The following MLLT10 variants were observed in gnomAD, a reference collection of about 807,000 sequenced individuals.
MLLT10 encodes MLLT10 histone lysine methyltransferase DOT1L cofactor.
In MLLT10, 30 loss-of-function variants were observed where a neutral mutation model predicts 129.1. That is an observed-to-expected ratio of 0.23 (90% CI 0.17 to 0.32). The LOEUF (loss-of-function observed/expected upper bound fraction) is 0.32, where lower values mean the gene tolerates loss of function less well. Among genes scored for constraint, MLLT10 ranks in the 10% least tolerant of loss-of-function variants. The pLI is 1.00. For missense variants in MLLT10, 1,119 were observed against 1,268.3 expected (o/e 0.88, Z 1.79); for synonymous variants, 490 against 446.4 (o/e 1.10, Z -1.23).
Position 21,634,116 on chromosome 10 carries a change from T to C in MLLT10, c.699+16909T>C, listed in dbSNP as rs567590423. 5.3e-5 allele frequency among the ~76,000 whole-genome samples: 8 copies of C among 152,258 alleles called. No individual in the cohort carries two copies. In the East Asian group the frequency reaches 1.5e-3, roughly 29 times the overall value. On this transcript the variant is annotated intron_variant, in intron 8 of 22. Coordinates refer to ENST00000307729, the MANE Select transcript of MLLT10 (RefSeq NM_001195626.3). ...CTAGCCGAGTGACGTGGCTCGTGCC[T>C]GTAATCCCAGCTACTTGGGAGGTTC... is the stretch of plus-strand genomic sequence containing the variant.
intron 14 of MLLT10, among the ~76,000 whole-genome samples, chr10:21,725,688 T>G (rs1437843843): frequency 7.9e-6 from 1 of 127,112 alleles, no homozygotes; most frequent in Non-Finnish European, 1.6e-5. Flanking sequence ...GCCATTGCAC[T>G]CCAGCCTGGG....
chr10:21,708,241 C>A (rs1164709475), intron 13 of MLLT10, among the ~76,000 whole-genome samples: 1 of 152,192 alleles, frequency 6.6e-6, no homozygotes, highest in Non-Finnish European at 1.5e-5. Context: ...CTGTACCGTT[C>A]TGCAGCTTTG....
intron 3 of MLLT10, among the ~76,000 whole-genome samples, chr10:21,564,102 G>A (rs1351721988): frequency 1.3e-5 from 2 of 152,008 alleles, no homozygotes; most frequent in African/African-American, 2.4e-5. Flanking sequence ...ATGAGCCACC[G>A]TGCCCGGCCT....
At chr10:21,613,277 C>T (rs2044853364) in intron 6 of MLLT10, among the ~76,000 whole-genome samples, 2 of 143,052 alleles carry the variant, frequency 1.4e-5, no homozygotes, top group Non-Finnish European at 3.0e-5. Flanking sequence ...ATATATTTTA[C>T]ATAATAGGTA....
At position 21,624,164 on chromosome 10, in the gene MLLT10, G is replaced by C. The variant is rs148676754; in HGVS notation, c.699+6957G>C. The stretch of plus-strand genomic sequence containing the variant: ...AGTATAAGAAAACTTAAATGTGTTT[G>C]CTTTAATTTCTTAAAACTACTAAGA... On this transcript the variant is annotated intron_variant, in intron 8 of 22. Coordinates refer to ENST00000307729, the MANE Select transcript of MLLT10 (RefSeq NM_001195626.3). Among the ~76,000 whole-genome samples, 256 of 152,230 alleles carry C rather than the reference G, an allele frequency of 1.7e-3. 2 individuals are homozygous for C. The highest frequency in any genetic ancestry group is 2.6e-3 in the Non-Finnish European group (178 of 68,006).
At chr10:21,555,854 A>C (rs111863552) in intron 3 of MLLT10, among the ~76,000 whole-genome samples, 1,770 of 149,738 alleles carry the variant, frequency 0.012, 35 homozygotes, top group African/African-American at 0.041. Context: ...TTTAGTAGGA[A>C]CAGGGTTTCT....
At chr10:21,583,613 G>C (rs1405248868) in intron 3 of MLLT10, among the ~76,000 whole-genome samples, 1 of 152,076 alleles carries the variant, frequency 6.6e-6, no homozygotes, top group East Asian at 1.9e-4. Flanking sequence ...TTACTCATGG[G>C]GCAGTGGGAA....
At chr10:21,620,336 T>G (rs1230104823) in intron 8 of MLLT10, among the ~76,000 whole-genome samples, 1 of 152,202 alleles carries the variant, frequency 6.6e-6, no homozygotes, top group East Asian at 1.9e-4. Context: ...ACATTAGTAT[T>G]TTTAAAACAG....
intron 5 of MLLT10, among the ~76,000 whole-genome samples, chr10:21,604,825 C>T (rs571953274): frequency 7.3e-5 from 11 of 151,482 alleles, no homozygotes; most frequent in Non-Finnish European, 1.3e-4. Flanking sequence ...TGCATTGACA[C>T]GGCCTTACCC....
chr10:21,674,237 G>A (rs1196619094), intron 11 of MLLT10, among the ~76,000 whole-genome samples: 1 of 151,654 alleles, frequency 6.6e-6, no homozygotes, highest in Non-Finnish European at 1.5e-5. Context: ...CACCTGCACA[G>A]TATTTTTTTT....
At chr10:21,693,965 A>C (rs926299495) in intron 13 of MLLT10, among the ~76,000 whole-genome samples, 1 of 152,172 alleles carries the variant, frequency 6.6e-6, no homozygotes, top group African/African-American at 2.4e-5. Context: ...AGTCTCTTTT[A>C]AAATGAATGT....
intron 6 of MLLT10, among the ~76,000 whole-genome samples, chr10:21,613,237 A>G (rs1036545451): frequency 6.6e-6 from 1 of 151,866 alleles, no homozygotes; most frequent in African/African-American, 2.4e-5. Context: ...TTCAGCAACA[A>G]AATTTCAAGG....
intron 8 of MLLT10, chr10:21,625,223 T>C: frequency 6.7e-7 from 1 of 1,491,692 alleles, no homozygotes; most frequent in South Asian, 1.1e-5. Flanking sequence ...CTCTTTCCTT[T>C]TCTTGTCTGG....
chr10:21,547,517 CTG>C (rs1211068870), intron 3 of MLLT10, among the ~76,000 whole-genome samples: 1 of 149,274 alleles, frequency 6.7e-6, no homozygotes, highest in Non-Finnish European at 1.5e-5. Flanking sequence ...ATTACTCCAT[CTG>C]TTTTTTTCTT....
chr10:21,543,517 G>C (rs992014357), intron 3 of MLLT10, among the ~76,000 whole-genome samples: 1 of 151,752 alleles, frequency 6.6e-6, no homozygotes, highest in Non-Finnish European at 1.5e-5. Context: ...AATTCTTGTT[G>C]CCCAGGCTTG....
chr10:21,572,494 C>CA (rs750927678), intron 3 of MLLT10, among the ~76,000 whole-genome samples: 2 of 152,114 alleles, frequency 1.3e-5, no homozygotes, highest in Non-Finnish European at 2.9e-5. Context: ...ATCTTAACAA[C>CA]GATTGAGTCT....
Position 21,733,427 on chromosome 10 carries a change from T to TTTAA in MLLT10, c.2408-75_2408-72dup, listed in dbSNP as rs1164065746. The TTTAA allele has an allele frequency of 5.3e-6, 5 of 945,242 alleles. No individual in the cohort carries two copies. The Admixed American group carries it at 1.1e-4, about 21-fold the overall frequency. 58.6% of individuals were successfully genotyped at this position (945,242 alleles called of 1,614,324 possible). On this transcript the variant is annotated intron_variant, in intron 18 of 22. Coordinates refer to ENST00000307729, the MANE Select transcript of MLLT10 (RefSeq NM_001195626.3). ...TTGATACGGGCTTCAGCATAAGCTT[T>TTTAA]TTAATAAGCCTTTAATCTTACACAT... is the stretch of plus-strand genomic sequence containing the variant.
chr10:21,659,615 A>G (rs983290954), intron 9 of MLLT10, among the ~76,000 whole-genome samples: 2 of 145,596 alleles, frequency 1.4e-5, no homozygotes, highest in African/African-American at 5.2e-5. Context: ...GGTTCAAGGG[A>G]TTCTCATGCC....
intron 6 of MLLT10, among the ~76,000 whole-genome samples, chr10:21,613,511 G>A (rs1017969282): frequency 1.3e-5 from 2 of 152,176 alleles, no homozygotes; most frequent in Non-Finnish European, 2.9e-5. Flanking sequence ...AGTTTTTGGG[G>A]TATGAGATCT....
Sources: gnomAD v4.1 joint callset for allele counts (sites outside exome capture counted in the v4.1 genomes callset) on GRCh38, gnomAD v4.1.1 for gene constraint, MANE v1.5 for transcripts, NCBI Gene and HGNC (gene_info 2026-07-23, HGNC 2026-07-21) for gene names.